The following ARMH3 variants were observed in gnomAD, a reference collection of about 807,000 sequenced individuals.
The protein encoded by ARMH3 is armadillo-like helical domain-containing protein 3.
Under a neutral mutation model 99.1 loss-of-function variants are expected in ARMH3, and 60 were observed. The observed-to-expected ratio is 0.61, with a 90% CI of 0.49 to 0.75. The LOEUF (loss-of-function observed/expected upper bound fraction) is 0.75, where lower values mean the gene tolerates loss of function less well. Among genes scored for constraint, ARMH3 ranks in the 30% least tolerant of loss-of-function variants. The pLI is 0.00. For synonymous variants in ARMH3, 285 were observed against 292.8 expected, an observed-to-expected ratio of 0.97 and a Z score of 0.27; for missense variants, 679 against 843.1, an observed-to-expected ratio of 0.81 and a Z score of 2.41.
intron 24 of ARMH3, among the ~76,000 whole-genome samples, chr10:101,860,720 T>C (rs1011157636): frequency 1.3e-5 from 2 of 152,160 alleles, no homozygotes; most frequent in Admixed American, 6.5e-5. Context: ...TGGGAGATGT[T>C]TGAATTTTGA....
chr10:101,969,928 G>C (rs1175820200), intron 20 of ARMH3, among the ~76,000 whole-genome samples: 1 of 152,120 alleles, frequency 6.6e-6, no homozygotes, highest in Non-Finnish European at 1.5e-5. Flanking sequence ...CTTATCACCG[G>C]GATGTGGCAG....
chr10:102,049,284 G>A (rs2067633045), intron 1 of ARMH3, among the ~76,000 whole-genome samples: 1 of 152,192 alleles, frequency 6.6e-6, no homozygotes, highest in African/African-American at 2.4e-5. Flanking sequence ...GCTCACGCCT[G>A]TAATCCCAGT....
chr10:101,985,179 T>G (rs962734060), intron 19 of ARMH3, among the ~76,000 whole-genome samples: 1 of 148,214 alleles, frequency 6.7e-6, no homozygotes, highest in Non-Finnish European at 1.5e-5. Flanking sequence ...TACACATATA[T>G]GAATATATAT....
intron 8 of ARMH3, among the ~76,000 whole-genome samples, chr10:102,019,542 TGATA>T (rs1186956673): frequency 6.6e-6 from 1 of 152,184 alleles, no homozygotes; most frequent in African/African-American, 2.4e-5. Flanking sequence ...TGAAAGACAG[TGATA>T]TTGATCATCT....
intron 1 of ARMH3, among the ~76,000 whole-genome samples, chr10:102,049,813 C>T: frequency 6.6e-6 from 1 of 151,868 alleles, no homozygotes; most frequent in South Asian, 2.1e-4. Flanking sequence ...CACCTAGGCC[C>T]CCCAAAGTGC....
chr10:101,971,670 G>T (rs1482358010), intron 20 of ARMH3, among the ~76,000 whole-genome samples: 1 of 152,206 alleles, frequency 6.6e-6, no homozygotes, highest in Non-Finnish European at 1.5e-5. Flanking sequence ...GACACAAGGG[G>T]CTTCAGAGGA....
At chr10:101,878,689 T>C (rs1035955201) in intron 24 of ARMH3, among the ~76,000 whole-genome samples, 2 of 151,624 alleles carry the variant, frequency 1.3e-5, no homozygotes, top group Non-Finnish European at 2.9e-5. Flanking sequence ...TGGCTGGGTA[T>C]GGTGGCTCAT....
At position 101,849,855 on chromosome 10, in the gene ARMH3, G is replaced by A. The variant is rs1195337294; in HGVS notation, c.1898C>T (p.Thr633Met). The change falls in exon 25 of 26, where the codon ACG becomes ATG. Residue 633 changes from threonine to methionine, a missense_variant. Physicochemically the swap from Thr to Met is moderately conservative, Grantham distance 81. Coordinates refer to ENST00000370033, the MANE Select transcript of ARMH3 (RefSeq NM_024541.3). ...GTCCAGGCCATCCTGCAGCTTCAGC[G>A]TGAGCGTGTCATAGTTGGCTCTCAC... Reference protein sequence around the residue: ...EVVRANYDTLTLKLQDGLDQY... With the variant: ...EVVRANYDTLMLKLQDGLDQY... 1 of 1,614,120 alleles carries A rather than the reference G, an allele frequency of 6.2e-7. No individual in the cohort carries two copies. Among genetic ancestry groups the A allele is most frequent in the Non-Finnish European group, 8.5e-7 (1 of 1,180,036 alleles).
chr10:102,052,388 T>A (rs1158570277), intron 1 of ARMH3, among the ~76,000 whole-genome samples: 2 of 152,080 alleles, frequency 1.3e-5, no homozygotes, highest in Non-Finnish European at 2.9e-5. Flanking sequence ...CACACCCGGC[T>A]CATTTTTGTA....
chr10:101,978,365 G>C (rs758883539), intron 19 of ARMH3, among the ~76,000 whole-genome samples: 3 of 152,158 alleles, frequency 2.0e-5, no homozygotes, highest in Admixed American at 2.0e-4. Flanking sequence ...GTTAATAGTA[G>C]AGAAATTAGA....
At chr10:101,864,072 A>ACAC (rs1356328511) in intron 24 of ARMH3, among the ~76,000 whole-genome samples, 3,864 of 133,868 alleles carry the variant, frequency 0.029, 82 homozygotes, top group Non-Finnish European at 0.048. Flanking sequence ...AAAAAAAAAA[A>ACAC]AAAAAAACAC....
chr10:101,897,834 C>T (rs760595127), intron 23 of ARMH3, among the ~76,000 whole-genome samples: 31 of 152,274 alleles, frequency 2.0e-4, no homozygotes, highest in Middle Eastern at 3.4e-3. Context: ...CTTCTGACTG[C>T]AGAAGATAGA....
Position 102,006,543 on chromosome 10 carries a change from C to T in ARMH3, c.1045G>A (p.Asp349Asn). 6.2e-7 allele frequency: 1 copy of T among 1,613,596 alleles called. No individual in the cohort carries two copies. The highest frequency in any genetic ancestry group is 8.5e-7 in the Non-Finnish European group (1 of 1,179,544). The part of the protein sequence containing the change: ...TPLGTTPPSS[D>N]VISSVELPLD... ...AACAAAGTGGTGGTGGGCTCACCATCAGAGGAAGGCGGTGTGGTCCCAAGT... is the reference window on the plus strand; with the variant it reads ...AACAAAGTGGTGGTGGGCTCACCATTAGAGGAAGGCGGTGTGGTCCCAAGT... Residue 349 changes from aspartate (D) to asparagine (N), a missense_variant, in exon 14 of 26, where the codon GAT becomes AAT. Coordinates refer to ENST00000370033, the MANE Select transcript of ARMH3 (RefSeq NM_024541.3).
chr10:101,997,386 G>A (rs1467282416), intron 15 of ARMH3, among the ~76,000 whole-genome samples: 1 of 152,072 alleles, frequency 6.6e-6, no homozygotes, highest in African/African-American at 2.4e-5. Flanking sequence ...AAGGTCAGGA[G>A]ATCGAGACCA....
At chr10:101,920,780 G>A (rs146525939) in intron 23 of ARMH3, among the ~76,000 whole-genome samples, 2 of 152,016 alleles carry the variant, frequency 1.3e-5, no homozygotes, top group East Asian at 3.9e-4. Context: ...AACAAAATGT[G>A]GTATATACAT....
intron 1 of ARMH3, among the ~76,000 whole-genome samples, chr10:102,048,425 T>G (rs2067609614): frequency 6.6e-6 from 1 of 152,042 alleles, no homozygotes; most frequent in Admixed American, 6.6e-5. Flanking sequence ...AGGCAACACG[T>G]TTTTGTTTTG....
chr10:101,978,157 C>G (rs1175660330), intron 19 of ARMH3, among the ~76,000 whole-genome samples: 1 of 152,184 alleles, frequency 6.6e-6, no homozygotes, highest in Admixed American at 6.5e-5. Flanking sequence ...AGATTTCATG[C>G]TTACAAAGAA....
intron 14 of ARMH3, among the ~76,000 whole-genome samples, chr10:102,003,747 T>C (rs1336206290): frequency 6.6e-6 from 1 of 152,202 alleles, no homozygotes; most frequent in Non-Finnish European, 1.5e-5. Flanking sequence ...TGAGAAACAT[T>C]TGCATTTTAT....
intron 14 of ARMH3, among the ~76,000 whole-genome samples, chr10:102,002,831 G>A (rs887439558): frequency 3.3e-5 from 5 of 151,770 alleles, no homozygotes; most frequent in East Asian, 2.0e-4. Context: ...CATGGTGGTC[G>A]GTGCCTATAA....
Sources: gnomAD v4.1 joint callset for allele counts (sites outside exome capture counted in the v4.1 genomes callset) on GRCh38, gnomAD v4.1.1 for gene constraint, MANE v1.5 for transcripts, NCBI Gene and HGNC (gene_info 2026-07-23, HGNC 2026-07-21) for gene names.